Variants in ABLIM3 observed in about 807,000 individuals in gnomAD.
ABLIM3 encodes the protein actin binding LIM protein family member 3.
ABLIM3 carries 61 observed loss-of-function variants against 109.5 expected under a neutral mutation model. The ratio of observed to expected loss-of-function variants is 0.56; its 90% CI spans 0.45 to 0.69. ABLIM3 has a LOEUF of 0.69. ABLIM3 is among the 30% of genes least tolerant of loss of function. ABLIM3 has a pLI of 0.00. For missense variants in ABLIM3, 796 were observed against 889.5 expected (o/e 0.89, Z 1.34); for synonymous variants, 300 against 324.8 (o/e 0.92, Z 0.82).
intron 8 of ABLIM3, among the ~76,000 whole-genome samples, chr5:149,225,804 T>A (rs1259785459): frequency 6.6e-6 from 1 of 151,804 alleles, no homozygotes; most frequent in Non-Finnish European, 1.5e-5. Context: ...GAACATACAA[T>A]GTTTGGTTTT....
chr5:149,215,382 A>C (rs1028755481), intron 7 of ABLIM3, among the ~76,000 whole-genome samples: 2 of 152,142 alleles, frequency 1.3e-5, no homozygotes, highest in African/African-American at 4.8e-5. Flanking sequence ...ATATAAACAA[A>C]CGGGGGGAAA....
At chr5:149,206,480 T>C (rs13357707) in intron 5 of ABLIM3, among the ~76,000 whole-genome samples, 2,918 of 152,314 alleles carry the variant, frequency 0.019, 89 homozygotes, top group African/African-American at 0.067. Context: ...GGAATAGGTT[T>C]AACCACAAAA....
chr5:149,226,352 G>A (rs774332622), intron 8 of ABLIM3, among the ~76,000 whole-genome samples: 1 of 152,114 alleles, frequency 6.6e-6, no homozygotes, highest in Non-Finnish European at 1.5e-5. Context: ...GAGTGTGGTG[G>A]CATGCACCTG....
chr5:149,172,883 T>C (rs2127462562), intron 2 of ABLIM3, among the ~76,000 whole-genome samples: 1 of 152,364 alleles, frequency 6.6e-6, no homozygotes, highest in South Asian at 2.1e-4. Flanking sequence ...GCAACTCTTG[T>C]ACTTTGTAAA....
chr5:149,208,832 T>A (rs1253123814), intron 6 of ABLIM3, among the ~76,000 whole-genome samples: 1 of 152,154 alleles, frequency 6.6e-6, no homozygotes, highest in South Asian at 2.1e-4. Flanking sequence ...TAAAGGGCTG[T>A]GAATATTCAG....
chr5:149,237,305 C>T, intron 10 of ABLIM3, 143 bp from the exon 11 acceptor site: 1 of 854,416 alleles, frequency 1.2e-6, no homozygotes, highest in East Asian at 2.5e-5. Context: ...TAACATTCTA[C>T]TATTCTTCAA....
intron 2 of ABLIM3, among the ~76,000 whole-genome samples, chr5:149,177,511 C>T (rs1335726016): frequency 1.3e-5 from 2 of 152,202 alleles, no homozygotes; most frequent in Non-Finnish European, 2.9e-5. Flanking sequence ...ACACATTTCT[C>T]TGCAGGATAT....
At chr5:149,161,702 C>A (rs1754387333) in intron 2 of ABLIM3, among the ~76,000 whole-genome samples, 1 of 152,060 alleles carries the variant, frequency 6.6e-6, no homozygotes, top group Non-Finnish European at 1.5e-5. Context: ...GATATTTTTT[C>A]CTTTCCTGTT....
At chr5:149,151,150 G>A (rs1353117546) in intron 2 of ABLIM3, among the ~76,000 whole-genome samples, 2 of 152,178 alleles carry the variant, frequency 1.3e-5, no homozygotes, top group African/African-American at 2.4e-5. Flanking sequence ...TCTGAAAGCT[G>A]CGAGACAAAT....
chr5:149,173,472 C>T (rs776235049), intron 2 of ABLIM3, among the ~76,000 whole-genome samples: 3 of 152,094 alleles, frequency 2.0e-5, no homozygotes, highest in Non-Finnish European at 4.4e-5. Context: ...CCTGGTGTGG[C>T]CAGCATCATA....
chr5:149,229,763 T>C (rs184685298), intron 8 of ABLIM3, among the ~76,000 whole-genome samples: 98 of 152,370 alleles, frequency 6.4e-4, no homozygotes, highest in African/African-American at 2.3e-3. Context: ...AGGACACCTG[T>C]CCCTTCTTTG....
chr5:149,209,084 G>A (rs1270158938), intron 6 of ABLIM3, among the ~76,000 whole-genome samples: 2 of 152,158 alleles, frequency 1.3e-5, no homozygotes, highest in Admixed American at 6.5e-5. Flanking sequence ...TCACATCACC[G>A]AGAGCTCTCG....
chr5:149,221,147 A>G (rs1465867185), intron 8 of ABLIM3, among the ~76,000 whole-genome samples: 1 of 152,188 alleles, frequency 6.6e-6, no homozygotes, highest in Non-Finnish European at 1.5e-5. Flanking sequence ...TGAAAAGGGC[A>G]GGAAGATTGA....
intron 8 of ABLIM3, among the ~76,000 whole-genome samples, chr5:149,229,093 A>G (rs986370646): frequency 1.3e-5 from 2 of 152,246 alleles, no homozygotes; most frequent in African/African-American, 4.8e-5. Flanking sequence ...ACAATTCCTG[A>G]TAGATTCGGA....
chr5:149,168,296 T>C (rs1213089390), intron 2 of ABLIM3, among the ~76,000 whole-genome samples: 1 of 152,184 alleles, frequency 6.6e-6, no homozygotes, highest in Admixed American at 6.5e-5. Flanking sequence ...CTGGTCTATA[T>C]GGCTTGGTAA....
chr5:149,141,911 A>G, intron 1 of ABLIM3, 98 bp from the exon 2 acceptor site: 2 of 854,044 alleles, frequency 2.3e-6, no homozygotes, highest in Non-Finnish European at 1.9e-6. Flanking sequence ...CGCGCCTTCA[A>G]GGCCAGGGGC....
chr5:149,142,585 G>A (rs1299296604), intron 2 of ABLIM3, among the ~76,000 whole-genome samples: 2 of 152,200 alleles, frequency 1.3e-5, no homozygotes, highest in Admixed American at 1.3e-4. Flanking sequence ...TAATCGCCAA[G>A]CCACCTTTGG....
chr5:149,183,339 A>G, intron 2 of ABLIM3, 113 bp from the exon 3 acceptor site: 2 of 1,285,134 alleles, frequency 1.6e-6, no homozygotes, highest in South Asian at 1.7e-5. Flanking sequence ...TACTTTGCAC[A>G]TCATTTCTTC....
chr5:149,230,565 C>T, intron 8 of ABLIM3, 84 bp from the exon 9 acceptor site: 1 of 1,456,248 alleles, frequency 6.9e-7, no homozygotes. Flanking sequence ...ATACGCTGAC[C>T]ACGGAGTGAA....
Sources: allele counts gnomAD v4.1 joint callset (sites outside exome capture counted in the v4.1 genomes callset), GRCh38; gene constraint gnomAD v4.1.1; transcripts MANE v1.5; gene names NCBI Gene and HGNC (gene_info 2026-07-23, HGNC 2026-07-21).